The following CLASP2 variants were observed in gnomAD, a reference collection of about 807,000 sequenced individuals.
The protein encoded by CLASP2 is cytoplasmic linker associated protein 2, also known as CLIP-associating protein 2.
Under a neutral mutation model 194.4 loss-of-function variants are expected in CLASP2, and 47 were observed. That is an observed-to-expected ratio of 0.24 (90% CI 0.19 to 0.31). CLASP2 has a LOEUF of 0.31. CLASP2 is among the 10% of genes least tolerant of loss of function. CLASP2 has a pLI of 1.00. For synonymous variants in CLASP2, 619 were observed against 633.5 expected (o/e 0.98, Z 0.34); for missense variants, 1,445 against 1,823.6 (o/e 0.79, Z 3.78).
intron 1 of CLASP2, among the ~76,000 whole-genome samples, chr3:33,707,867 G>A (rs1029229364): frequency 6.6e-6 from 1 of 152,144 alleles, no homozygotes; most frequent in Non-Finnish European, 1.5e-5. Flanking sequence ...CATTAAAAGA[G>A]ACTTAATAAA....
At chr3:33,505,169 T>C (rs2047796165) in intron 37 of CLASP2, 1 of 152,100 alleles carries the variant, frequency 6.6e-6, no homozygotes, top group African/African-American at 2.4e-5. Context: ...TTCAGCCTGA[T>C]GGGAGGTGAA....
chr3:33,638,009 A>C (rs930136402), intron 8 of CLASP2, among the ~76,000 whole-genome samples: 4 of 152,224 alleles, frequency 2.6e-5, no homozygotes, highest in Non-Finnish European at 1.5e-5. Flanking sequence ...AATGTGGAAT[A>C]CTGTATCACT....
chr3:33,517,078 T>G lies in CLASP2; in HGVS notation c.3884A>C (p.Glu1295Ala). 6.2e-7 allele frequency: 1 copy of G among 1,613,772 alleles called. No homozygotes were observed. Among genetic ancestry groups the G allele is most frequent in the Non-Finnish European group, 8.5e-7 (1 of 1,179,790 alleles). Residue 1295 changes from glutamate (E) to alanine (A), a missense_variant, in exon 35 of 39, where the codon GAA becomes GCA. Around this residue, in one of 4 missense-constraint regions of CLASP2, gnomAD observed 732 missense variants for 987.9 expected, o/e 0.74. Coordinates refer to ENST00000682230, the MANE Select transcript of CLASP2 (RefSeq NM_001365631.1). ...RVEERKIALY[E>A]LMKLTQEESF... The stretch of plus-strand genomic sequence containing the variant: ...TTCTTCCTGTGTCAGTTTCATAAGT[T>G]CATAGAGGGCAATTTTTCTTTCTTC...
chr3:33,691,726 T>C (rs184004995), intron 2 of CLASP2, among the ~76,000 whole-genome samples: 50 of 152,370 alleles, frequency 3.3e-4, no homozygotes, highest in South Asian at 2.9e-3. Context: ...AAATGTTAGA[T>C]ATTATTATGC....
At position 33,574,257 on chromosome 3, in the gene CLASP2, AT is replaced by A. The variant is rs761218127; in HGVS notation, c.2455-904del. Among the ~76,000 whole-genome samples, 14 of 152,150 alleles carry A rather than the reference AT, an allele frequency of 9.2e-5. 1 individual carries two copies. Among genetic ancestry groups the A allele is most frequent in the Admixed American group, 2.0e-4 (3 of 15,276 alleles). ...AATTCAGTGTGAATGACCTCATTTAATTTGTATGAAGTAGTCAAGCTGAAAG... is the reference window on the plus strand; with the variant it reads ...AATTCAGTGTGAATGACCTCATTTAATTGTATGAAGTAGTCAAGCTGAAAG... On this transcript the variant is annotated intron_variant, in intron 24 of 38. Coordinates refer to ENST00000682230, the MANE Select transcript of CLASP2 (RefSeq NM_001365631.1).
At chr3:33,595,038 TC>T in intron 19 of CLASP2, 70 bp from the exon 20 acceptor site, 3 of 923,578 alleles carry the variant, frequency 3.2e-6, no homozygotes, top group East Asian at 2.9e-5. Context: ...TACCTCACAG[TC>T]CCCACCCAAC....
intron 2 of CLASP2, among the ~76,000 whole-genome samples, chr3:33,693,744 C>T (rs2091590043): frequency 6.6e-6 from 1 of 152,054 alleles, no homozygotes; most frequent in African/African-American, 2.4e-5. Flanking sequence ...AAAGTAATAA[C>T]AAGTTCAAGT....
chr3:33,622,318 G>T, intron 10 of CLASP2, 38 bp from the exon 11 acceptor site: 1 of 1,404,214 alleles, frequency 7.1e-7, no homozygotes, highest in Non-Finnish European at 9.3e-7. Context: ...AAAAAAGGTG[G>T]AAGTGCAAAA....
rs1454751305 is a variant in CLASP2 at position 33,501,690 on chromosome 3, C to T, written c.4396G>A (p.Glu1466Lys). Residue 1466 changes from glutamate (E) to lysine (K), a missense_variant, in exon 38 of 39, where the codon GAA becomes AAA. Physicochemically the swap from Glu to Lys is moderately conservative, Grantham distance 56. Transcript: ENST00000682230. Reference protein sequence around the residue: ...LVAVHAVIGDELKPHLSQLTG... With the variant: ...LVAVHAVIGDKLKPHLSQLTG... Reference sequence around the variant, plus strand: ...AGTTGACTGAGATGTGGTTTTAGTTCATCACCAATTACCGCATGAACAGCC... The same window carrying T: ...AGTTGACTGAGATGTGGTTTTAGTTTATCACCAATTACCGCATGAACAGCC... 3.1e-6 allele frequency: 5 copies of T among 1,613,514 alleles called. No individual in the cohort carries two copies. Among genetic ancestry groups the T allele is most frequent in the Non-Finnish European group, 4.2e-6 (5 of 1,179,582 alleles).
chr3:33,573,029 T>C, intron 25 of CLASP2, 81 bp downstream of exon 25: 1 of 1,502,048 alleles, frequency 6.7e-7, no homozygotes, highest in Non-Finnish European at 9.0e-7. Flanking sequence ...TACACCAGTA[T>C]CTCTAAAGTG....
At chr3:33,544,015 T>C (rs1427611169) in intron 31 of CLASP2, among the ~76,000 whole-genome samples, 2 of 152,342 alleles carry the variant, frequency 1.3e-5, no homozygotes, top group South Asian at 2.1e-4. Context: ...GTTTTAGAAT[T>C]ACTTTTAACC....
rs1412200615 is a variant in CLASP2 at position 33,600,433 on chromosome 3, T to C, written c.1924+2519A>G. 5.9e-5 allele frequency among the ~76,000 whole-genome samples: 9 copies of C among 152,212 alleles called. No individual in the cohort carries two copies. The South Asian group carries it at 1.7e-3, about 28-fold the overall frequency. ...TATGTTTATTATGAAAGGGTGTTAA[T>C]TTTGTCAAATGCTTTTTCTGCAGCT... On this transcript the variant is annotated intron_variant, in intron 18 of 38. Transcript: ENST00000682230.
chr3:33,702,233 T>A (rs1035973657), intron 1 of CLASP2, among the ~76,000 whole-genome samples: 1 of 151,974 alleles, frequency 6.6e-6, no homozygotes, highest in African/African-American at 2.4e-5. Flanking sequence ...TTTCAAAACA[T>A]CCTACAAAGC....
chr3:33,711,948 T>A (rs2093034284), intron 1 of CLASP2, among the ~76,000 whole-genome samples: 1 of 152,066 alleles, frequency 6.6e-6, no homozygotes, highest in African/African-American at 2.4e-5. Context: ...TGAAAAACAG[T>A]ATGGAGATTC....
intron 1 of CLASP2, among the ~76,000 whole-genome samples, chr3:33,701,020 A>G (rs558323443): frequency 6.6e-6 from 1 of 152,350 alleles, no homozygotes; most frequent in African/African-American, 2.4e-5. Flanking sequence ...TGCTAATGAA[A>G]GTGATAGAAA....
At chr3:33,530,413 T>A (rs186433545) in intron 34 of CLASP2, among the ~76,000 whole-genome samples, 25 of 152,224 alleles carry the variant, frequency 1.6e-4, no homozygotes, top group African/African-American at 6.0e-4. Flanking sequence ...GAGGCTGCAA[T>A]GAACCAAGAT....
At position 33,536,923 on chromosome 3, in the gene CLASP2, C is replaced by G. The variant is rs143991038; in HGVS notation, c.3559-1462G>C. 3.7e-3 allele frequency among the ~76,000 whole-genome samples: 568 copies of G among 152,288 alleles called. 2 individuals carry two copies. The highest frequency in any genetic ancestry group is 0.013 in the African/African-American group (540 of 41,564). ...CATTAACTAAGATAGGAAAGAGCAG[C>G]TTTAGGGGAGAAGACCAGGAGTTCA... On this transcript the variant is annotated intron_variant, in intron 33 of 38. Transcript: ENST00000682230.
At chr3:33,602,810 G>T in intron 18 of CLASP2, 142 bp downstream of exon 18, 1 of 878,882 alleles carries the variant, frequency 1.1e-6, no homozygotes, top group Non-Finnish European at 1.8e-6. Context: ...TCAGAAGTGT[G>T]TCCGCAATAT....
intron 24 of CLASP2, chr3:33,574,570 A>C (rs1312593538): frequency 1.2e-6 from 1 of 828,788 alleles, no homozygotes; most frequent in Non-Finnish European, 1.9e-6. Context: ...ACAGTGAAAT[A>C]GGCATTAACA....
Sources: allele counts gnomAD v4.1 joint callset (sites outside exome capture counted in the v4.1 genomes callset), GRCh38; gene constraint gnomAD v4.1.1; regional missense constraint gnomAD v4.1.1; transcripts MANE v1.5; gene names NCBI Gene and HGNC (gene_info 2026-07-23, HGNC 2026-07-21).